The following TTC34 variants were observed in gnomAD, a reference collection of about 807,000 sequenced individuals.
The protein encoded by TTC34 is tetratricopeptide repeat protein 34.
TTC34 carries 44 observed loss-of-function variants against 40.7 expected under a neutral mutation model. The observed-to-expected ratio is 1.08, with a 90% confidence interval of 0.85 to 1.39. The LOEUF is 1.39. Among genes scored for constraint, TTC34 ranks in the 40% most tolerant of loss-of-function variants. TTC34 has a pLI of 0.00. For synonymous variants in TTC34, 422 were observed against 398.6 expected, an observed-to-expected ratio of 1.06 and a Z score of -0.70; for missense variants, 884 against 838.0, an observed-to-expected ratio of 1.05 and a Z score of -0.68.
chr1:2,790,533 C>G (rs1643651864), intron 2 of TTC34, among the ~76,000 whole-genome samples, 187 bp from the exon 3 acceptor site: 1 of 152,192 alleles, frequency 6.6e-6, no homozygotes, highest in Non-Finnish European at 1.5e-5. Context: ...TGGCAGGAGG[C>G]CCGACGCCCA....
At chr1:2,660,661 G>T (rs1458376395) in intron 6 of TTC34, among the ~76,000 whole-genome samples, 1 of 37,022 alleles carries the variant, frequency 2.7e-5, no homozygotes, top group African/African-American at 8.0e-5. Context: ...GTCAGGAGCA[G>T]TGCCCACACA....
intron 6 of TTC34, among the ~76,000 whole-genome samples, chr1:2,758,481 A>T (rs1383138196): frequency 1.2e-5 from 1 of 83,864 alleles, no homozygotes; most frequent in Non-Finnish European, 2.2e-5. Flanking sequence ...CCACACACCC[A>T]GGCGAGCATC....
chr1:2,686,882 A>C, intron 6 of TTC34, among the ~76,000 whole-genome samples: 2 of 136,058 alleles, frequency 1.5e-5, no homozygotes, highest in Admixed American at 7.2e-5. Flanking sequence ...CAGCACCCAC[A>C]CCCCCTGATG....
At chr1:2,751,738 G>C (rs1305367031) in intron 6 of TTC34, among the ~76,000 whole-genome samples, 2 of 149,364 alleles carry the variant, frequency 1.3e-5, no homozygotes, top group African/African-American at 2.5e-5. Context: ...CCCCAGGTGA[G>C]CATCTGACAT....
At chr1:2,798,670 CCTCT>C in intron 2 of TTC34, among the ~76,000 whole-genome samples, 1 of 129,376 alleles carries the variant, frequency 7.7e-6, no homozygotes, top group South Asian at 2.8e-4. Flanking sequence ...AGCCTCCCAG[CCTCT>C]CAGCCCCTCA....
At position 2,683,342 on chromosome 1, in the gene TTC34, C is replaced by T. The variant is rs1172359189; in HGVS notation, c.2227-37779G>A. ...GTGAGCATCTGACAGACTGGAACAC[C>T]ACCCTGCACCCCCAGGTGAGCATCT... On this transcript the variant is annotated intron_variant, in intron 6 of 8. Coordinates refer to ENST00000401095, the Ensembl canonical transcript of TTC34. Among the ~76,000 whole-genome samples the T allele has an allele frequency of 1.1e-3, 158 of 143,064 alleles. 3 individuals are homozygous for T. Among genetic ancestry groups the T allele is most frequent in the Non-Finnish European group, 1.6e-3 (105 of 64,560 alleles). The allele number at this position is 143,064 out of a possible 152,430, so 93.9% of individuals were successfully genotyped here.
chr1:2,785,762 C>CA, intron 5 of TTC34, 57 bp downstream of exon 5: 1 of 1,497,018 alleles, frequency 6.7e-7, no homozygotes, highest in Non-Finnish European at 8.9e-7. Flanking sequence ...AGAGACTCCC[C>CA]ATGTCCCCTG....
intron 6 of TTC34, among the ~76,000 whole-genome samples, chr1:2,755,075 G>C (rs1166276896): frequency 4.4e-4 from 14 of 31,838 alleles, no homozygotes; most frequent in East Asian, 1.2e-3. Flanking sequence ...AGGTGCGCAC[G>C]TGACAGCCTG....
intron 6 of TTC34, among the ~76,000 whole-genome samples, chr1:2,749,805 C>T (rs1641258144): frequency 1.1e-5 from 1 of 88,896 alleles, no homozygotes. Flanking sequence ...GCACCCACAC[C>T]CCCAGGTGAG....
At chr1:2,649,627 G>A (rs1209390324) in intron 6 of TTC34, among the ~76,000 whole-genome samples, 3 of 152,076 alleles carry the variant, frequency 2.0e-5, no homozygotes, top group Non-Finnish European at 2.9e-5. Context: ...TGCAACCACC[G>A]CCCCCAGGTT....
intron 6 of TTC34, among the ~76,000 whole-genome samples, chr1:2,780,509 T>A (rs1372650063): frequency 6.6e-6 from 1 of 152,168 alleles, no homozygotes; most frequent in East Asian, 1.9e-4. Context: ...CCCTGCAACA[T>A]TTGTTGAAAA....
intron 6 of TTC34, among the ~76,000 whole-genome samples, chr1:2,749,800 C>T: frequency 1.0e-5 from 1 of 95,884 alleles, no homozygotes; most frequent in Non-Finnish European, 2.1e-5. Context: ...TATCAGCACC[C>T]ACACCCCCAG....
chr1:2,641,956 C>T (rs535586680), intron 8 of TTC34, 61 bp from the exon 9 acceptor site: 4 of 1,426,356 alleles, frequency 2.8e-6, no homozygotes, highest in East Asian at 2.5e-5. Flanking sequence ...GCCCGGCCGC[C>T]CCTGCCCTGC....
chr1:2,685,107 C>T lies in TTC34; in HGVS notation c.2227-39544G>A, dbSNP rs536191539. Among the ~76,000 whole-genome samples the T allele has an allele frequency of 1.6e-3, 226 of 141,922 alleles. 19 individuals are homozygous for T. The highest frequency in any genetic ancestry group is 6.1e-3 in the African/African-American group (216 of 35,142). The allele number at this position is 141,922 out of a possible 152,430, so 93.1% of individuals were successfully genotyped here. ...CAGGTGTGCACGTGACAGCTTGGAT[C>T]AGCACCCACACCCCCAGGCGAGCAT... On this transcript the variant is annotated intron_variant, in intron 6 of 8. Coordinates refer to ENST00000401095, the Ensembl canonical transcript of TTC34.
At chr1:2,687,606 C>A (rs1284053741) in intron 6 of TTC34, among the ~76,000 whole-genome samples, 15 of 120,418 alleles carry the variant, frequency 1.2e-4, no homozygotes, top group Middle Eastern at 3.9e-3. Context: ...AGCACCCACA[C>A]CCCCAGGTGA....
chr1:2,783,438 C>G (rs1199328776), intron 6 of TTC34, among the ~76,000 whole-genome samples, 171 bp downstream of exon 6: 2 of 152,214 alleles, frequency 1.3e-5, no homozygotes, highest in African/African-American at 4.8e-5. Context: ...TTTGTGGGGA[C>G]CCGGCTCCCA....
rs1404392717 is a variant in TTC34 at position 2,694,674 on chromosome 1, C to A, written c.2227-49111G>T. On this transcript the variant is annotated intron_variant, in intron 6 of 8. Coordinates refer to ENST00000401095, the Ensembl canonical transcript of TTC34. ...CGGCCTGGAACAGCACACACACCGC[C>A]AGGTGACCATTGGACACCCTGGAGC... is the stretch of plus-strand genomic sequence containing the variant. Among the ~76,000 whole-genome samples, 6 of 82,950 alleles carry A rather than the reference C, an allele frequency of 7.2e-5. 2 individuals are homozygous for A. The East Asian group carries it at 1.7e-3, about 23-fold the overall frequency. 54.4% of individuals were successfully genotyped at this position (82,950 alleles called of 152,430 possible). A position where few individuals can be genotyped will look rare whatever the true frequency, so the allele number is the denominator to read the frequency against.
intron 6 of TTC34, among the ~76,000 whole-genome samples, chr1:2,769,621 G>A (rs1177248188): frequency 7.9e-6 from 1 of 126,858 alleles, no homozygotes; most frequent in South Asian, 2.6e-4. Flanking sequence ...GCCTGGAACA[G>A]CACCCACACC....
intron 6 of TTC34, among the ~76,000 whole-genome samples, chr1:2,769,744 G>C (rs1487439622): frequency 1.1e-4 from 4 of 35,026 alleles, no homozygotes; most frequent in Admixed American, 2.8e-4. Flanking sequence ...CTGGAGCAGC[G>C]CCCACACCCC....
Sources: allele counts gnomAD v4.1 joint callset (sites outside exome capture counted in the v4.1 genomes callset), GRCh38; gene constraint gnomAD v4.1.1; transcripts MANE v1.5; gene names NCBI Gene and HGNC (gene_info 2026-07-23, HGNC 2026-07-21).